The following UBE2L3 variants were observed in gnomAD, a reference collection of about 807,000 sequenced individuals.
UBE2L3 encodes the protein ubiquitin-conjugating enzyme E2 L3.
A neutral mutation model predicts 17.8 loss-of-function variants in UBE2L3; 1 was observed. That is an observed-to-expected ratio of 0.06 (90% CI 0.02 to 0.27). The LOEUF (loss-of-function observed/expected upper bound fraction) is 0.27, where lower values mean the gene tolerates loss of function less well. Ranked by LOEUF, UBE2L3 falls within the 10% of genes least tolerant of loss-of-function variation. The pLI is 1.00. For synonymous variants in UBE2L3, 44 were observed against 68.5 expected, an observed-to-expected ratio of 0.64 and a Z score of 1.76; for missense variants, 40 against 192.6, an observed-to-expected ratio of 0.21 and a Z score of 4.69.
rs575118054 is a variant in UBE2L3 at position 21,593,228 on chromosome 22, C to CT, written c.123+275dup. Among the ~76,000 whole-genome samples, 76 of 152,294 alleles carry CT rather than the reference C, an allele frequency of 5.0e-4. No homozygotes were observed. In the Middle Eastern group the frequency reaches 0.01, roughly 20 times the overall value. On this transcript the variant is annotated intron_variant, in intron 2 of 3. Coordinates refer to ENST00000342192, the MANE Select transcript of UBE2L3 (RefSeq NM_003347.4). ...AAAGGAGTGTGTCTGTGCTCCTGCT[C>CT]TTTCCTGACTTCCCTGCGCCTGGCC...
chr22:21,616,031 G>A (rs1446098035), intron 3 of UBE2L3, among the ~76,000 whole-genome samples: 4 of 152,168 alleles, frequency 2.6e-5, no homozygotes, highest in African/African-American at 9.7e-5. Flanking sequence ...ATGAGTTATA[G>A]TGCTGCTGAG....
At chr22:21,612,895 C>A (rs1334022202) in intron 3 of UBE2L3, among the ~76,000 whole-genome samples, 1 of 152,072 alleles carries the variant, frequency 6.6e-6, no homozygotes, top group Non-Finnish European at 1.5e-5. Context: ...CCTCAGCCTC[C>A]CAAAGTGCTG....
chr22:21,558,179 C>T (rs1192947395), intron 1 of UBE2L3, among the ~76,000 whole-genome samples: 16 of 151,088 alleles, frequency 1.1e-4, no homozygotes, highest in African/African-American at 1.5e-4. Context: ...CATTTCTGTT[C>T]GGCTACCAAA....
intron 1 of UBE2L3, among the ~76,000 whole-genome samples, chr22:21,570,688 CAA>C (rs965365941): frequency 3.9e-5 from 6 of 151,950 alleles, no homozygotes; most frequent in African/African-American, 1.5e-4. Flanking sequence ...CTGTGAGAAT[CAA>C]TGTTTAAGAC....
chr22:21,601,997 C>T (rs1928892699), intron 2 of UBE2L3, among the ~76,000 whole-genome samples: 1 of 151,124 alleles, frequency 6.6e-6, no homozygotes, highest in Admixed American at 6.6e-5. Context: ...ACAAACCAGC[C>T]TGGGGCACTC....
chr22:21,620,654 G>C (rs931015514), intron 3 of UBE2L3, among the ~76,000 whole-genome samples: 2 of 152,114 alleles, frequency 1.3e-5, no homozygotes, highest in African/African-American at 4.8e-5. Flanking sequence ...GCACCCATCA[G>C]AGCCATCAGC....
intron 2 of UBE2L3, among the ~76,000 whole-genome samples, chr22:21,603,373 C>CA (rs978153584): frequency 6.0e-5 from 9 of 151,046 alleles, no homozygotes; most frequent in Non-Finnish European, 1.0e-4. Context: ...AGTAAAAATA[C>CA]AAAAAAATTA....
At chr22:21,561,517 G>C (rs1240896622) in intron 1 of UBE2L3, among the ~76,000 whole-genome samples, 1 of 152,286 alleles carries the variant, frequency 6.6e-6, no homozygotes, top group Non-Finnish European at 1.5e-5. Flanking sequence ...AGGAGGTTGA[G>C]GCTGCACTGA....
intron 3 of UBE2L3, among the ~76,000 whole-genome samples, chr22:21,615,150 C>T (rs1251067269): frequency 3.3e-5 from 5 of 151,774 alleles, no homozygotes; most frequent in Admixed American, 6.6e-5. Context: ...AGCCAAACTC[C>T]GTCTCAAAAC....
chr22:21,579,563 G>A (rs1927513792), intron 1 of UBE2L3, among the ~76,000 whole-genome samples: 1 of 152,116 alleles, frequency 6.6e-6, no homozygotes, highest in Non-Finnish European at 1.5e-5. Context: ...TTGAGCCTAG[G>A]AATTTGAGAC....
At chr22:21,605,626 C>T (rs1485121720) in intron 2 of UBE2L3, among the ~76,000 whole-genome samples, 1 of 152,188 alleles carries the variant, frequency 6.6e-6, no homozygotes, top group Non-Finnish European at 1.5e-5. Context: ...CTGCCTCAGC[C>T]TCCCAAGTAG....
intron 1 of UBE2L3, among the ~76,000 whole-genome samples, chr22:21,584,538 C>CT (rs1826678256): frequency 6.6e-6 from 1 of 151,938 alleles, no homozygotes. Flanking sequence ...AGGTCTCACT[C>CT]TGTCACCCAG....
intron 1 of UBE2L3, among the ~76,000 whole-genome samples, chr22:21,556,614 C>CTTTTTTTTTTTTTTTTTTTTTTTTT (rs747912504): frequency 6.9e-6 from 1 of 144,452 alleles, no homozygotes; most frequent in African/African-American, 2.6e-5. Flanking sequence ...TTTCTTTTTT[C>CTTTTTTTTTTTTTTTTTTTTTTTTT]TTTTTTTTTT....
intron 1 of UBE2L3, 62 bp from the exon 2 acceptor site, chr22:21,592,799 G>A: frequency 1.5e-6 from 2 of 1,317,874 alleles, no homozygotes; most frequent in Non-Finnish European, 2.2e-6. Flanking sequence ...GGCATCAGGA[G>A]GGATCTTAAT....
intron 1 of UBE2L3, among the ~76,000 whole-genome samples, chr22:21,590,948 C>T (rs1042911415): frequency 1.3e-5 from 2 of 152,226 alleles, no homozygotes; most frequent in African/African-American, 4.8e-5. Context: ...TTCCTGATCC[C>T]TGCCCTTGTT....
intron 1 of UBE2L3, 38 bp from the exon 2 acceptor site, chr22:21,592,823 C>T (rs1183374882): frequency 2.0e-6 from 3 of 1,505,136 alleles, no homozygotes; most frequent in East Asian, 2.3e-5. Flanking sequence ...TGGTGCTTTC[C>T]CCTATTTGAC....
chr22:21,574,799 T>C (rs1927172484), intron 1 of UBE2L3, among the ~76,000 whole-genome samples: 1 of 152,058 alleles, frequency 6.6e-6, no homozygotes, highest in Admixed American at 6.6e-5. Context: ...AACCCATCTC[T>C]ACCAAAAATA....
intron 1 of UBE2L3, among the ~76,000 whole-genome samples, chr22:21,573,782 C>T (rs1927112734): frequency 6.6e-6 from 1 of 152,166 alleles, no homozygotes; most frequent in South Asian, 2.1e-4. Flanking sequence ...TGACCTTGTG[C>T]CGTCCCGCTT....
upstream of UBE2L3, among the ~76,000 whole-genome samples, chr22:21,566,110 T>G (rs1926622800): frequency 6.6e-6 from 1 of 151,734 alleles, no homozygotes; most frequent in Non-Finnish European, 1.5e-5. Context: ...GTAGCTGGGA[T>G]TACGTTCGCC....
Sources: allele counts gnomAD v4.1 joint callset (sites outside exome capture counted in the v4.1 genomes callset), GRCh38; gene constraint gnomAD v4.1.1; transcripts MANE v1.5; gene names NCBI Gene and HGNC (gene_info 2026-07-23, HGNC 2026-07-21).